Variants in DCAF6 observed in about 807,000 individuals in gnomAD.
DCAF6 encodes the protein DDB1- and CUL4-associated factor 6.
Under a neutral mutation model 125.1 loss-of-function variants are expected in DCAF6, and 54 were observed. The observed-to-expected ratio is 0.43, with a 90% CI of 0.35 to 0.54. The LOEUF (loss-of-function observed/expected upper bound fraction) is 0.54. DCAF6 is among the 20% of genes least tolerant of loss of function. The pLI is 0.01. For missense variants in DCAF6, 934 were observed against 1,161.7 expected (o/e 0.80, Z 2.85); for synonymous variants, 371 against 390.4 (o/e 0.95, Z 0.58).
chr1:167,987,617 T>C lies in DCAF6; in HGVS notation c.552+9T>C. The C allele has an allele frequency of 1.5e-6, 2 of 1,376,434 alleles. No homozygotes were observed. The highest frequency in any genetic ancestry group is 2.1e-6 in the Non-Finnish European group (2 of 968,738). 85.3% of individuals were successfully genotyped at this position (1,376,434 alleles called of 1,614,324 possible). A position where few individuals can be genotyped will look rare whatever the true frequency, so the allele number is the denominator to read the frequency against. On this transcript the variant is annotated intron_variant, in intron 5 of 21. Coordinates refer to ENST00000367840, the MANE Select transcript of DCAF6 (RefSeq NM_001198956.2). ...AAGAAGATTGTAAAGATGTAAGAAT[T>C]AAATTTTTATACAAATGATGCAGAA...
chr1:167,923,589 T>C, the DCAF6 span, among the ~76,000 whole-genome samples: 1 of 151,994 alleles, frequency 6.6e-6, no homozygotes, highest in African/African-American at 2.4e-5. Flanking sequence ...TTTTACAAGA[T>C]AAAAAGGGTT....
intron 10 of DCAF6, among the ~76,000 whole-genome samples, chr1:168,012,583 A>G (rs980504845): frequency 1.1e-4 from 17 of 152,184 alleles, no homozygotes; most frequent in African/African-American, 4.1e-4. Flanking sequence ...AAAGGATGTA[A>G]TATGTGTGTA....
the DCAF6 span, chr1:167,893,850 T>C: frequency 6.2e-7 from 1 of 1,607,280 alleles, no homozygotes; most frequent in Non-Finnish European, 8.5e-7. Flanking sequence ...ATTTTGAAAA[T>C]ACCTGCTTCA....
chr1:167,865,129 T>C, the DCAF6 span, among the ~76,000 whole-genome samples: 1 of 152,176 alleles, frequency 6.6e-6, no homozygotes, highest in Non-Finnish European at 1.5e-5. Context: ...TCCTGAGTAC[T>C]ATTGAAGAAA....
At chr1:167,914,616 T>C in the DCAF6 span, among the ~76,000 whole-genome samples, 1 of 152,344 alleles carries the variant, frequency 6.6e-6, no homozygotes, top group Admixed American at 6.5e-5. Context: ...CAAAGATAAC[T>C]TGAAATCCAA....
chr1:167,936,844 G>A lies in DCAF6; in HGVS notation c.-68G>A, dbSNP rs1178619763. 4.4e-6 allele frequency: 6 copies of A among 1,354,488 alleles called. No individual in the cohort carries two copies. The highest frequency in any genetic ancestry group is 2.5e-5 in the East Asian group (1 of 39,502). 83.9% of individuals were successfully genotyped at this position (1,354,488 alleles called of 1,614,324 possible). On this transcript the variant is annotated 5_prime_UTR_variant, in exon 1 of 22. Transcript: ENST00000367840. ...CCGGTGCGGCTCGGGTGTTGAAACG[G>A]GTGTCCCCTCCCCCTCCTCCCCTCC...
the DCAF6 span, chr1:167,917,073 CT>C: frequency 6.6e-6 from 1 of 152,162 alleles, no homozygotes; most frequent in Non-Finnish European, 1.5e-5. Context: ...AAATAACTTG[CT>C]TTGCTGACTC....
chr1:168,038,318 A>T, intron 12 of DCAF6, 53 bp from the exon 13 acceptor site: 1 of 1,327,514 alleles, frequency 7.5e-7, no homozygotes, highest in Non-Finnish European at 1.1e-6. Context: ...AGGAAATGTC[A>T]TCTTTTTACT....
chr1:168,049,145 C>G (rs901960361), intron 16 of DCAF6, among the ~76,000 whole-genome samples: 5 of 152,124 alleles, frequency 3.3e-5, no homozygotes, highest in Non-Finnish European at 7.4e-5. Flanking sequence ...TAAAATTAGT[C>G]CTAATGTCAA....
chr1:167,945,654 G>T (rs1672958684), intron 1 of DCAF6, among the ~76,000 whole-genome samples: 1 of 151,970 alleles, frequency 6.6e-6, no homozygotes, highest in South Asian at 2.1e-4. Flanking sequence ...ACTATGCCCA[G>T]CTAATTTTTG....
chr1:168,062,714 T>G (rs2101949584), intron 17 of DCAF6, among the ~76,000 whole-genome samples: 1 of 152,074 alleles, frequency 6.6e-6, no homozygotes, highest in South Asian at 2.1e-4. Flanking sequence ...AATTATTAAG[T>G]AATATGTGTT....
At chr1:167,867,818 G>T in the DCAF6 span, among the ~76,000 whole-genome samples, 2 of 151,918 alleles carry the variant, frequency 1.3e-5, no homozygotes, top group African/African-American at 4.8e-5. Flanking sequence ...AAGTATATCT[G>T]CCACGAATTA....
intron 7 of DCAF6, among the ~76,000 whole-genome samples, chr1:167,996,005 T>C (rs1006638679): frequency 2.0e-5 from 3 of 152,186 alleles, no homozygotes; most frequent in African/African-American, 7.2e-5. Context: ...AAGGACTATG[T>C]TCTGTATAAG....
intron 12 of DCAF6, among the ~76,000 whole-genome samples, chr1:168,032,111 T>A (rs1354533083): frequency 6.6e-6 from 1 of 152,238 alleles, no homozygotes; most frequent in Admixed American, 6.5e-5. Context: ...GAGTTGTGAT[T>A]GCCAGAAGAA....
chr1:167,882,681 G>C, the DCAF6 span, among the ~76,000 whole-genome samples: 1 of 151,868 alleles, frequency 6.6e-6, no homozygotes, highest in Non-Finnish European at 1.5e-5. Context: ...ATCATGCACT[G>C]AGCTGGAGAC....
chr1:167,922,543 T>C, the DCAF6 span, among the ~76,000 whole-genome samples: 1 of 152,038 alleles, frequency 6.6e-6, no homozygotes, highest in Non-Finnish European at 1.5e-5. Flanking sequence ...GAAATGGTAA[T>C]GTAACTTCCA....
the DCAF6 span, among the ~76,000 whole-genome samples, chr1:167,879,366 AG>A: frequency 1.3e-5 from 2 of 152,190 alleles, no homozygotes; most frequent in Non-Finnish European, 2.9e-5. Flanking sequence ...ACTACAAATG[AG>A]GTAGCAAATG....
the DCAF6 span, among the ~76,000 whole-genome samples, chr1:167,912,404 T>C: frequency 6.6e-6 from 1 of 152,188 alleles, no homozygotes; most frequent in Non-Finnish European, 1.5e-5. Context: ...CCTGGCAACA[T>C]GGCCACCTCC....
the DCAF6 span, among the ~76,000 whole-genome samples, chr1:167,923,868 C>T: frequency 2.0e-5 from 3 of 152,100 alleles, no homozygotes; most frequent in Admixed American, 1.3e-4. Flanking sequence ...CACTGCAGGT[C>T]CAGAGAGATG....
Sources: allele counts gnomAD v4.1 joint callset (sites outside exome capture counted in the v4.1 genomes callset), GRCh38; gene constraint gnomAD v4.1.1; transcripts MANE v1.5; gene names NCBI Gene and HGNC (gene_info 2026-07-23, HGNC 2026-07-21).